Variants in ABL1 observed in about 807,000 individuals in gnomAD.
The protein encoded by ABL1 is ABL proto-oncogene 1, non-receptor tyrosine kinase, also known as tyrosine-protein kinase ABL1.
Under a neutral mutation model 94.7 loss-of-function variants are expected in ABL1, and 11 were observed. That is an observed-to-expected ratio of 0.12 (90% CI 0.07 to 0.19). The LOEUF is 0.19. Ranked by LOEUF, ABL1 falls within the 10% of genes least tolerant of loss-of-function variation. ABL1 has a pLI of 1.00. For synonymous variants in ABL1, 656 were observed against 622.4 expected, an observed-to-expected ratio of 1.05 and a Z score of -0.80; for missense variants, 1,082 against 1,489.4, an observed-to-expected ratio of 0.73 and a Z score of 4.50.
chr9:130,751,657 C>T (rs2132729768), intron 1 of ABL1, among the ~76,000 whole-genome samples: 1 of 152,288 alleles, frequency 6.6e-6, no homozygotes, highest in South Asian at 2.1e-4. Flanking sequence ...CCTTACTGCT[C>T]CTGGCTCCAG....
chr9:130,714,652 A>G, intron 1 of ABL1: 13 of 738,700 alleles, frequency 1.8e-5, no homozygotes, highest in South Asian at 1.6e-4. Flanking sequence ...TTCAAAATCT[A>G]TTTGAGTTGC....
intron 1 of ABL1, among the ~76,000 whole-genome samples, chr9:130,789,154 A>C (rs1337473422): frequency 6.6e-6 from 1 of 152,240 alleles, no homozygotes; most frequent in Non-Finnish European, 1.5e-5. Context: ...CAGTGATCCA[A>C]GACCGTTTCT....
chr9:130,859,411 G>A lies in ABL1; in HGVS notation c.550-3352G>A, dbSNP rs1015902514. On this transcript the variant is annotated intron_variant, in intron 3 of 10. Coordinates refer to ENST00000318560, the MANE Select transcript of ABL1 (RefSeq NM_005157.6). ...CCGCCCTGACAGTGGCTCAGCAGGC[G>A]TAGGCCTCCTGGTGAAAAGCCGAGC... 5.9e-5 allele frequency among the ~76,000 whole-genome samples: 9 copies of A among 152,122 alleles called. No individual in the cohort carries two copies. In the East Asian group the frequency reaches 7.7e-4, roughly 13 times the overall value.
At chr9:130,768,185 G>A (rs1832207720) in intron 1 of ABL1, among the ~76,000 whole-genome samples, 1 of 152,088 alleles carries the variant, frequency 6.6e-6, no homozygotes, top group Admixed American at 6.5e-5. Context: ...AACCCTGTAA[G>A]CATTAGAGCT....
chr9:130,843,061 T>C (rs1253372234), intron 1 of ABL1, among the ~76,000 whole-genome samples: 12 of 152,252 alleles, frequency 7.9e-5, no homozygotes, highest in African/African-American at 2.4e-4. Context: ...TTTTCAACTT[T>C]ACTATCTGTC....
intron 1 of ABL1, among the ~76,000 whole-genome samples, chr9:130,778,724 G>A (rs901718340): frequency 1.3e-5 from 2 of 151,320 alleles, no homozygotes; most frequent in African/African-American, 2.4e-5. Context: ...CACCATTGTC[G>A]TGGTTTATAC....
intron 1 of ABL1, among the ~76,000 whole-genome samples, chr9:130,807,815 A>C (rs1485988895): frequency 9.4e-5 from 14 of 148,478 alleles, no homozygotes. Flanking sequence ...CTCCTGCCTC[A>C]GCCTCCCGAG....
At chr9:130,853,625 A>G (rs1197474039) in intron 1 of ABL1, among the ~76,000 whole-genome samples, 7 of 151,726 alleles carry the variant, frequency 4.6e-5, no homozygotes, top group African/African-American at 1.7e-4. Flanking sequence ...ATGTTGGTCA[A>G]GTTGGTCTCA....
chr9:130,747,506 T>TG (rs1389769008), intron 1 of ABL1, among the ~76,000 whole-genome samples: 1 of 152,170 alleles, frequency 6.6e-6, no homozygotes, highest in African/African-American at 2.4e-5. Context: ...CTCTGCCTCC[T>TG]GGGTTCAAGT....
intron 1 of ABL1, among the ~76,000 whole-genome samples, chr9:130,716,325 G>C (rs1182841906): frequency 2.6e-5 from 4 of 152,082 alleles, no homozygotes; most frequent in Admixed American, 1.3e-4. Context: ...CTGAACTCTT[G>C]ACCTCAGGTG....
intron 1 of ABL1, among the ~76,000 whole-genome samples, chr9:130,845,776 T>C (rs552159355): frequency 1.3e-5 from 2 of 151,940 alleles, no homozygotes; most frequent in East Asian, 3.9e-4. Flanking sequence ...TTTCAAAAAG[T>C]CTTTTGAGGA....
intron 1 of ABL1, among the ~76,000 whole-genome samples, chr9:130,824,745 C>T (rs189524897): frequency 7.2e-5 from 11 of 152,296 alleles, no homozygotes; most frequent in African/African-American, 2.2e-4. Context: ...TGAGCGAGCC[C>T]TTTCCTGCCA....
chr9:130,880,108 A>C lies in ABL1; in HGVS notation c.1464A>C (p.Glu488Asp), dbSNP rs541225290. The change falls in exon 9 of 11, where the codon GAA (glutamate) becomes GAC (aspartate). Residue 488 changes from glutamate (E) to aspartate (D), a missense_variant. By Grantham distance (45) the Glu-to-Asp change is conservative (BLOSUM62 2). This residue lies in a region of ABL1 where 76 missense variants were observed against 177.1 expected (regional missense o/e 0.43). Coordinates refer to ENST00000318560, the MANE Select transcript of ABL1 (RefSeq NM_005157.6). This position sits in a 1 kb window ranked among gnomAD's most constrained non-coding sequence, Gnocchi z 4.4. ...CCTCTGACCGGCCCTCCTTTGCTGA[A>C]ATCCACCAAGCCTTTGAAACAATGT... ...WNPSDRPSFAEIHQAFETMFQ... is the reference protein window; with the variant it reads ...WNPSDRPSFADIHQAFETMFQ... The C allele has an allele frequency of 1.9e-6, 3 of 1,614,184 alleles. No homozygotes were observed. The African/African-American group carries it at 4.0e-5, about 22-fold the overall frequency.
chr9:130,733,185 T>C (rs1180170368), intron 1 of ABL1, among the ~76,000 whole-genome samples: 1 of 152,174 alleles, frequency 6.6e-6, no homozygotes, highest in African/African-American at 2.4e-5. Flanking sequence ...TCTAAACTGA[T>C]TGGAACCTTC....
chr9:130,722,062 G>A (rs546489022), intron 1 of ABL1, among the ~76,000 whole-genome samples: 33 of 151,528 alleles, frequency 2.2e-4, no homozygotes, highest in Non-Finnish European at 3.8e-4. Context: ...GATTTCAGGC[G>A]TGAGCCACCG....
At chr9:130,721,214 A>C (rs1215146002) in intron 1 of ABL1, among the ~76,000 whole-genome samples, 1 of 151,734 alleles carries the variant, frequency 6.6e-6, no homozygotes, top group Non-Finnish European at 1.5e-5. Context: ...CCTCGTCTCT[A>C]CTAAAAATAC....
At chr9:130,778,503 C>T (rs557884770) in intron 1 of ABL1, among the ~76,000 whole-genome samples, 4 of 152,278 alleles carry the variant, frequency 2.6e-5, no homozygotes, top group South Asian at 4.1e-4. Flanking sequence ...CATATACAGA[C>T]GTATGATCCC....
chr9:130,818,290 C>T (rs1315776685), intron 1 of ABL1, among the ~76,000 whole-genome samples: 2 of 151,996 alleles, frequency 1.3e-5, no homozygotes, highest in Non-Finnish European at 2.9e-5. Context: ...GCCAACATGG[C>T]GAAACCCTGT....
chr9:130,860,611 G>A (rs1831055488), intron 3 of ABL1, among the ~76,000 whole-genome samples: 1 of 152,214 alleles, frequency 6.6e-6, no homozygotes, highest in Admixed American at 6.5e-5. Context: ...GCTCCCAGGT[G>A]CCCTGCCCTG....
Sources: gnomAD v4.1 joint callset for allele counts (sites outside exome capture counted in the v4.1 genomes callset) on GRCh38, gnomAD v4.1.1 for gene constraint, gnomAD v4.1.1 regional missense constraint, Gnocchi (gnomAD v3.1) non-coding constraint, MANE v1.5 for transcripts, NCBI Gene and HGNC (gene_info 2026-07-23, HGNC 2026-07-21) for gene names.